SLC2A14: variants seen among roughly 807,000 people sequenced by gnomAD.
SLC2A14 encodes solute carrier family 2 member 14.
Under a neutral mutation model 43.0 loss-of-function variants are expected in SLC2A14, and 13 were observed. That is an observed-to-expected ratio of 0.30 (90% confidence interval 0.20 to 0.48). The LOEUF (loss-of-function observed/expected upper bound fraction) is 0.48, where lower values mean the gene tolerates loss of function less well. SLC2A14 is among the 20% of genes least tolerant of loss of function. SLC2A14 has a pLI of 0.99. For missense variants in SLC2A14, 428 were observed against 620.4 expected (o/e 0.69, Z 3.29); for synonymous variants, 190 against 233.8 (o/e 0.81, Z 1.71).
chr12:7,883,708 C>T lies in SLC2A14; in HGVS notation c.132+7288G>A, dbSNP rs373303428. Among the ~76,000 whole-genome samples, 9 of 137,398 alleles carry T rather than the reference C, an allele frequency of 6.6e-5. No individual in the cohort carries two copies. The South Asian group carries it at 1.2e-3, about 18-fold the overall frequency. The allele number at this position is 137,398 out of a possible 152,430, so 90.1% of individuals were successfully genotyped here. The stretch of plus-strand genomic sequence containing the variant: ...ATGCCATTCTCCTGCCTCAGTCTCC[C>T]GAGTAGTTGGGATTACAGGCGCCCA... On this transcript the variant is annotated intron_variant, in intron 1 of 9. Coordinates refer to the SLC2A14 transcript ENST00000539924.
At chr12:7,861,429 T>A (rs776201389) in intron 2 of SLC2A14, among the ~76,000 whole-genome samples, 18 of 152,232 alleles carry the variant, frequency 1.2e-4, no homozygotes, top group African/African-American at 4.3e-4. Flanking sequence ...GCTTTTCCAT[T>A]GCTTTTGTGC....
At chr12:7,862,131 G>A (rs747802915) in intron 2 of SLC2A14, among the ~76,000 whole-genome samples, 23 of 150,640 alleles carry the variant, frequency 1.5e-4, no homozygotes, top group Admixed American at 3.3e-4. Context: ...GGGCATGGTC[G>A]CGCATGCCTG....
chr12:7,880,334 A>AAAC (rs139151460), intron 1 of SLC2A14, among the ~76,000 whole-genome samples: 1 of 151,332 alleles, frequency 6.6e-6, no homozygotes, highest in East Asian at 1.9e-4. Context: ...TTTTAAAAAG[A>AAAC]AACAACAACA....
intron 2 of SLC2A14, among the ~76,000 whole-genome samples, chr12:7,868,840 T>G (rs1046846540): frequency 6.6e-6 from 1 of 152,092 alleles, no homozygotes; most frequent in Non-Finnish European, 1.5e-5. Flanking sequence ...AAACCCTGTC[T>G]CTACAAAAAT....
intron 4 of SLC2A14, among the ~76,000 whole-genome samples, chr12:7,830,638 G>A (rs1314183449): frequency 6.6e-6 from 1 of 151,126 alleles, no homozygotes; most frequent in Non-Finnish European, 1.5e-5. Context: ...CCTGCTTCTT[G>A]GGCAGAGGGA....
At chr12:7,815,888 T>TG (rs1863401845) in intron 10 of SLC2A14, among the ~76,000 whole-genome samples, 1 of 149,420 alleles carries the variant, frequency 6.7e-6, no homozygotes, top group Non-Finnish European at 1.5e-5. Context: ...TTTTGTTTTT[T>TG]TTTGTTTTTT....
chr12:7,824,271 A>T (rs59919512), intron 7 of SLC2A14, among the ~76,000 whole-genome samples: 92,548 of 151,894 alleles, frequency 0.61, 28,422 homozygotes, highest in African/African-American at 0.69. Flanking sequence ...AAAACAAAAC[A>T]AAACCTCAAC....
chr12:7,867,718 G>A lies in SLC2A14; in HGVS notation c.18+2145C>T, dbSNP rs1482308045. 1.3e-4 allele frequency among the ~76,000 whole-genome samples: 19 copies of A among 151,814 alleles called. 1 individual carries two copies. Among genetic ancestry groups the A allele is most frequent in the South Asian group, 2.1e-4 (1 of 4,802 alleles). On this transcript the variant is annotated intron_variant, in intron 2 of 10. Coordinates refer to ENST00000431042, the MANE Select transcript of SLC2A14 (RefSeq NM_001286234.2). ...AAATTAGCTGGGTGTGGTGGCGTGC[G>A]CCTGTAGTCCCAGCTACTCGGGAGG...
chr12:7,853,583 G>A (rs1867114528), intron 2 of SLC2A14, among the ~76,000 whole-genome samples: 1 of 152,126 alleles, frequency 6.6e-6, no homozygotes, highest in South Asian at 2.1e-4. Flanking sequence ...CTGGGTGACA[G>A]AGCAAGATGC....
At chr12:7,871,865 ACACCCACCCAGAGCAGC>A in intron 1 of SLC2A14, 2 of 982,380 alleles carry the variant, frequency 2.0e-6, no homozygotes, top group African/African-American at 3.5e-5. Context: ...ACACCAGCGC[ACACCCACCCAGAGCAGC>A]CACCCATCGT....
chr12:7,839,707 G>A (rs770698029), intron 2 of SLC2A14: 1 of 370,960 alleles, frequency 2.7e-6, no homozygotes, highest in Non-Finnish European at 5.3e-6. Flanking sequence ...GTGATATTAA[G>A]AGGCAGGACC....
chr12:7,831,484 T>C lies in SLC2A14; in HGVS notation c.272+120A>G. ...TCGGGGCCAGTTGGGCTAGTTTCCC[T>C]TGATTAGAATTCAAGGTGTTCTTAT... On this transcript the variant is annotated intron_variant, in intron 4 of 10. Coordinates refer to ENST00000431042, the MANE Select transcript of SLC2A14 (RefSeq NM_001286234.2). 3.4e-6 allele frequency: 5 copies of C among 1,468,246 alleles called. No individual in the cohort carries two copies. In the South Asian group the frequency reaches 6.6e-5, roughly 19 times the overall value. The allele number at this position is 1,468,246 out of a possible 1,614,324, so 91.0% of individuals were successfully genotyped here. A position where few individuals can be genotyped will look rare whatever the true frequency, so the allele number is the denominator to read the frequency against.
chr12:7,869,460 A>T (rs992310973), intron 2 of SLC2A14, among the ~76,000 whole-genome samples: 1 of 152,166 alleles, frequency 6.6e-6, no homozygotes, highest in Non-Finnish European at 1.5e-5. Context: ...TCTGCTCTAG[A>T]AAAAGTTATT....
intron 2 of SLC2A14, among the ~76,000 whole-genome samples, chr12:7,856,833 A>T (rs1159684654): frequency 6.9e-6 from 1 of 144,174 alleles, no homozygotes; most frequent in Non-Finnish European, 1.5e-5. Context: ...GTATTAATGA[A>T]TGCTAATTTT....
At chr12:7,815,607 G>A (rs763586333) in intron 10 of SLC2A14, among the ~76,000 whole-genome samples, 42 of 151,974 alleles carry the variant, frequency 2.8e-4, no homozygotes, top group African/African-American at 1.0e-3. Flanking sequence ...ACGGAGTTTC[G>A]CTCTTGTTGC....
At chr12:7,844,401 A>G (rs1037358163) in intron 2 of SLC2A14, among the ~76,000 whole-genome samples, 3 of 152,150 alleles carry the variant, frequency 2.0e-5, no homozygotes, top group Non-Finnish European at 2.9e-5. Flanking sequence ...TGATGTATGC[A>G]TCATTGTTTC....
Position 7,830,011 on chromosome 12 carries a change from A to G in SLC2A14, c.273-5T>C, listed in dbSNP as rs770686427. ...ACAATCAGCATTGAATTGCGCCTGT[A>G]AGGTTAATCAAAGACAACATGGAAT... On this transcript the variant is annotated splice_region_variant and splice_polypyrimidine_tract_variant and intron_variant, in intron 4 of 10. Coordinates refer to ENST00000431042, the MANE Select transcript of SLC2A14 (RefSeq NM_001286234.2). The G allele has an allele frequency of 1.9e-6, 3 of 1,614,038 alleles. No individual in the cohort carries two copies. The highest frequency in any genetic ancestry group is 1.3e-5 in the African/African-American group (1 of 75,048).
At chr12:7,886,912 CTT>C (rs11442108) in intron 1 of SLC2A14, among the ~76,000 whole-genome samples, 11 of 131,836 alleles carry the variant, frequency 8.3e-5, no homozygotes, top group Admixed American at 1.6e-4. Context: ...TAATGATTTT[CTT>C]TTTTTTTTTT....
intron 1 of SLC2A14, chr12:7,871,375 G>T: frequency 2.1e-6 from 1 of 472,638 alleles, no homozygotes; most frequent in Non-Finnish European, 3.1e-6. Context: ...AAGATGACTA[G>T]GCCACCCCAG....
Sources: gnomAD v4.1 joint callset for allele counts (sites outside exome capture counted in the v4.1 genomes callset) on GRCh38, gnomAD v4.1.1 for gene constraint, MANE v1.5 for transcripts, NCBI Gene and HGNC (gene_info 2026-07-23, HGNC 2026-07-21) for gene names.